CSMD2: variants seen among roughly 807,000 people sequenced by gnomAD.
The protein encoded by CSMD2 is CUB and sushi domain-containing protein 2.
CSMD2 carries 130 observed loss-of-function variants against 398.5 expected under a neutral mutation model. The observed-to-expected ratio is 0.33, with a 90% confidence interval of 0.28 to 0.38. The LOEUF (loss-of-function observed/expected upper bound fraction) is 0.38. Among genes scored for constraint, CSMD2 ranks in the 10% least tolerant of loss-of-function variants. The probability of loss-of-function intolerance (pLI) is 1.00; values close to 1 mark genes in which losing one functional copy is unlikely to be tolerated. For missense variants in CSMD2, 3,829 were observed against 4,764.9 expected (o/e 0.80, Z 5.78); for synonymous variants, 1,828 against 1,908.5 (o/e 0.96, Z 1.10).
At chr1:33,774,333 G>A (rs1476701289) in intron 12 of CSMD2, among the ~76,000 whole-genome samples, 7 of 152,128 alleles carry the variant, frequency 4.6e-5, no homozygotes, top group Non-Finnish European at 1.0e-4. Flanking sequence ...CCCCTCTGAA[G>A]CTGGCTTTGC....
rs76272987 is a variant in CSMD2 at position 33,695,098 on chromosome 1, C to A, written c.3926-2042G>T. 3.3e-5 allele frequency among the ~76,000 whole-genome samples: 5 copies of A among 152,102 alleles called. No homozygotes were observed. In the East Asian group the frequency reaches 9.7e-4, roughly 29 times the overall value. On this transcript the variant is annotated intron_variant, in intron 24 of 70. Transcript: ENST00000373381. ...AAGGAGAAGCAAGAGTTGACCAGGTCGGTTGGGTGGCAAGGGTAGGATGGG... is the reference window on the plus strand; with the variant it reads ...AAGGAGAAGCAAGAGTTGACCAGGTAGGTTGGGTGGCAAGGGTAGGATGGG...
intron 2 of CSMD2, among the ~76,000 whole-genome samples, chr1:34,085,151 G>A (rs1270344020): frequency 1.3e-5 from 2 of 151,968 alleles, no homozygotes; most frequent in East Asian, 1.9e-4. Context: ...AACACCGCAT[G>A]TTCTCACTCA....
At chr1:34,133,537 A>C (rs1466845193) in intron 1 of CSMD2, among the ~76,000 whole-genome samples, 2 of 152,110 alleles carry the variant, frequency 1.3e-5, no homozygotes. Flanking sequence ...AGTCTGAGGC[A>C]GGAGAATCAT....
At chr1:33,764,659 G>A (rs755870248) in intron 13 of CSMD2, among the ~76,000 whole-genome samples, 5 of 152,206 alleles carry the variant, frequency 3.3e-5, no homozygotes, top group Non-Finnish European at 7.3e-5. Context: ...CACCGATCAC[G>A]GTCCCTGGCC....
At chr1:33,561,013 C>A (rs116041515) in intron 53 of CSMD2, among the ~76,000 whole-genome samples, 1 of 152,288 alleles carries the variant, frequency 6.6e-6, no homozygotes, top group East Asian at 1.9e-4. Flanking sequence ...CCAGGCCTCT[C>A]GCTTTGTTCT....
At chr1:33,997,213 G>C (rs1413691575) in intron 3 of CSMD2, among the ~76,000 whole-genome samples, 1 of 152,194 alleles carries the variant, frequency 6.6e-6, no homozygotes, top group Non-Finnish European at 1.5e-5. Context: ...GGGCCCAACA[G>C]GAAGGACTTG....
chr1:33,938,852 G>A (rs900785011), intron 3 of CSMD2, among the ~76,000 whole-genome samples: 8 of 151,062 alleles, frequency 5.3e-5, no homozygotes, highest in Non-Finnish European at 7.4e-5. Flanking sequence ...ATCTCCTGCC[G>A]CTGGCTTACT....
At chr1:34,133,034 C>A (rs1254917555) in intron 1 of CSMD2, among the ~76,000 whole-genome samples, 2 of 149,538 alleles carry the variant, frequency 1.3e-5, no homozygotes, top group African/African-American at 4.9e-5. Context: ...TTAATTCATT[C>A]AATCACCAAA....
intron 1 of CSMD2, among the ~76,000 whole-genome samples, chr1:34,116,269 A>G (rs1661589760): frequency 6.6e-6 from 1 of 152,106 alleles, no homozygotes. Flanking sequence ...AAGATATTCC[A>G]TGCAATAGGC....
chr1:34,082,779 G>T lies in CSMD2; in HGVS notation c.404+6198C>A, dbSNP rs541582298. Among the ~76,000 whole-genome samples the T allele has an allele frequency of 9.2e-5, 14 of 151,836 alleles. No homozygotes were observed. The East Asian group carries it at 2.5e-3, about 27-fold the overall frequency. ...AATCTATAACCTTACCCCCAACCCC[G>T]TGCTCTCTGAAACATGTGCTGTGTC... On this transcript the variant is annotated intron_variant, in intron 2 of 70. Transcript: ENST00000373381.
intron 42 of CSMD2, among the ~76,000 whole-genome samples, chr1:33,603,910 T>C (rs537605523): frequency 1.1e-4 from 16 of 152,274 alleles, no homozygotes; most frequent in African/African-American, 2.2e-4. Flanking sequence ...ACATGGCACA[T>C]TGGAAAACAA....
chr1:33,749,361 A>T (rs1392644168), intron 13 of CSMD2, among the ~76,000 whole-genome samples: 1 of 152,084 alleles, frequency 6.6e-6, no homozygotes, highest in Admixed American at 6.5e-5. Context: ...GGCCTCCCAA[A>T]GTGCTGGGAT....
intron 41 of CSMD2, among the ~76,000 whole-genome samples, chr1:33,609,516 A>G (rs905486063): frequency 6.6e-5 from 10 of 152,246 alleles, no homozygotes; most frequent in African/African-American, 2.4e-4. Flanking sequence ...AAAGGTCACA[A>G]CTAAACAATA....
At chr1:34,162,979 C>A (rs1037574629) in intron 1 of CSMD2, among the ~76,000 whole-genome samples, 6 of 152,224 alleles carry the variant, frequency 3.9e-5, no homozygotes, top group African/African-American at 1.2e-4. Context: ...CCCCTCCCCG[C>A]AACTTCTCTA....
chr1:33,692,594 G>C (rs934169190), intron 25 of CSMD2, among the ~76,000 whole-genome samples: 21 of 152,382 alleles, frequency 1.4e-4, no homozygotes, highest in South Asian at 6.2e-4. Flanking sequence ...ATGAGATGCA[G>C]AGAGGATAAG....
In CSMD2 at chr1:33,583,822, G is replaced by A; in HGVS notation, c.7060C>T (p.Pro2354Ser). 1.2e-6 allele frequency: 2 copies of A among 1,613,744 alleles called. No homozygotes were observed. Among genetic ancestry groups the A allele is most frequent in the Non-Finnish European group, 1.7e-6 (2 of 1,179,870 alleles). Residue 2354 changes from proline to serine, a missense_variant, in exon 47 of 71, where the codon CCA (proline) becomes TCA (serine). Physicochemically the swap from Pro to Ser is moderately conservative, Grantham distance 74. Around this residue, in one of 5 missense-constraint regions of CSMD2, gnomAD observed 723 missense variants for 758.6 expected, o/e 0.95. Transcript: ENST00000373381. ...GPPPICEVHC[P>S]TNELLTDSTG... is the part of the protein sequence containing the mutation. ...GAGTCTGTCAGAAGCTCATTTGTTG[G>A]ACAGTGCACTTGGAGAAAGAAAGAG...
At chr1:34,042,563 A>G (rs1309973610) in intron 2 of CSMD2, among the ~76,000 whole-genome samples, 1 of 152,212 alleles carries the variant, frequency 6.6e-6, no homozygotes, top group Non-Finnish European at 1.5e-5. Context: ...GGATGGAGGC[A>G]GAGCCCTGAG....
intron 44 of CSMD2, among the ~76,000 whole-genome samples, chr1:33,595,040 T>C (rs1639747754): frequency 6.6e-6 from 1 of 152,172 alleles, no homozygotes; most frequent in African/African-American, 2.4e-5. Flanking sequence ...ACCATCAACA[T>C]TGGGAAATTA....
At chr1:33,910,305 T>G (rs576676431) in intron 5 of CSMD2, among the ~76,000 whole-genome samples, 1 of 152,322 alleles carries the variant, frequency 6.6e-6, no homozygotes, top group South Asian at 2.1e-4. Context: ...ACTTCCTCTC[T>G]TGCTCCCTGC....
Sources: allele counts gnomAD v4.1 joint callset (sites outside exome capture counted in the v4.1 genomes callset), GRCh38; gene constraint gnomAD v4.1.1; regional missense constraint gnomAD v4.1.1; transcripts MANE v1.5; gene names NCBI Gene and HGNC (gene_info 2026-07-23, HGNC 2026-07-21).